The following CNTNAP2 variants were observed in gnomAD, a reference collection of about 807,000 sequenced individuals.
CNTNAP2 encodes contactin associated protein 2.
In CNTNAP2, 98 loss-of-function variants were observed where a neutral mutation model predicts 155.2. The observed-to-expected ratio is 0.63, with a 90% CI of 0.54 to 0.75. CNTNAP2 has a LOEUF of 0.75. CNTNAP2 is among the 30% of genes least tolerant of loss of function. The pLI is 0.00. For synonymous variants in CNTNAP2, 651 were observed against 631.2 expected (o/e 1.03, Z -0.47); for missense variants, 1,727 against 1,688.1 (o/e 1.02, Z -0.40).
chr7:147,350,581 C>T (rs529222928), intron 9 of CNTNAP2, among the ~76,000 whole-genome samples: 2 of 151,814 alleles, frequency 1.3e-5, no homozygotes, highest in African/African-American at 2.4e-5. Context: ...TGTGTGTGCA[C>T]GTGTGACTTA....
chr7:147,003,548 T>C (rs1336348023), intron 3 of CNTNAP2, among the ~76,000 whole-genome samples: 1 of 151,844 alleles, frequency 6.6e-6, no homozygotes, highest in East Asian at 1.9e-4. Context: ...AGAGTTAAAA[T>C]CTCAACTAAA....
intron 1 of CNTNAP2, among the ~76,000 whole-genome samples, chr7:146,731,573 A>T (rs34782150): frequency 2.1e-3 from 321 of 152,266 alleles, no homozygotes; most frequent in Non-Finnish European, 3.6e-3. Context: ...AATCTAAAAA[A>T]TGATCTGTAG....
chr7:146,936,730 C>G (rs1043964203), intron 3 of CNTNAP2, among the ~76,000 whole-genome samples: 1 of 152,174 alleles, frequency 6.6e-6, no homozygotes, highest in African/African-American at 2.4e-5. Flanking sequence ...CAGTCATAGA[C>G]TGCTGAGTGT....
intron 13 of CNTNAP2, among the ~76,000 whole-genome samples, chr7:147,867,485 A>C (rs529006601): frequency 3.9e-5 from 6 of 152,204 alleles, no homozygotes; most frequent in African/African-American, 1.2e-4. Context: ...CTGAATTTGA[A>C]TGTTGACCTG....
At chr7:146,308,722 C>A (rs1174661027) in intron 1 of CNTNAP2, among the ~76,000 whole-genome samples, 1 of 151,986 alleles carries the variant, frequency 6.6e-6, no homozygotes, top group Non-Finnish European at 1.5e-5. Context: ...CAAACTATTG[C>A]AAGGACAGAA....
chr7:146,576,100 T>A (rs1365542382), intron 1 of CNTNAP2, among the ~76,000 whole-genome samples: 2 of 152,206 alleles, frequency 1.3e-5, no homozygotes, highest in Non-Finnish European at 2.9e-5. Context: ...AACTGTATAC[T>A]GTCACTGAAT....
At chr7:146,873,940 C>T (rs1448868490) in intron 3 of CNTNAP2, among the ~76,000 whole-genome samples, 1 of 151,988 alleles carries the variant, frequency 6.6e-6, no homozygotes, top group African/African-American at 2.4e-5. Context: ...GAAAATATAG[C>T]TTATATTATA....
At chr7:147,212,262 A>G (rs1191890900) in intron 8 of CNTNAP2, among the ~76,000 whole-genome samples, 4 of 152,126 alleles carry the variant, frequency 2.6e-5, no homozygotes, top group Admixed American at 6.6e-5. Context: ...AAAAGAAAAC[A>G]TATCATTTTA....
intron 11 of CNTNAP2, among the ~76,000 whole-genome samples, chr7:147,555,266 T>C (rs1799930460): frequency 6.6e-6 from 1 of 152,206 alleles, no homozygotes; most frequent in Non-Finnish European, 1.5e-5. Context: ...CATCCTACAC[T>C]GAACAATACC....
At chr7:147,768,056 T>C (rs1397096665) in intron 13 of CNTNAP2, among the ~76,000 whole-genome samples, 1 of 152,114 alleles carries the variant, frequency 6.6e-6, no homozygotes, top group African/African-American at 2.4e-5. Context: ...CTTTCACTCT[T>C]GACAGTCTTC....
At chr7:147,592,675 C>T (rs555219415) in intron 12 of CNTNAP2, among the ~76,000 whole-genome samples, 1 of 152,172 alleles carries the variant, frequency 6.6e-6, no homozygotes, top group East Asian at 1.9e-4. Context: ...ATGATATCTG[C>T]AACAAATTAC....
At chr7:148,016,773 G>A (rs192176055) in intron 15 of CNTNAP2, among the ~76,000 whole-genome samples, 1 of 152,296 alleles carries the variant, frequency 6.6e-6, no homozygotes, top group African/African-American at 2.4e-5. Context: ...CCTAATCACA[G>A]AGGTTTTTTC....
chr7:146,438,129 A>C (rs1472595712), intron 1 of CNTNAP2, among the ~76,000 whole-genome samples: 1 of 151,466 alleles, frequency 6.6e-6, no homozygotes, highest in Non-Finnish European at 1.5e-5. Flanking sequence ...TATGCTATAC[A>C]TTATACATAT....
At chr7:147,617,520 A>T (rs1481118904) in intron 12 of CNTNAP2, among the ~76,000 whole-genome samples, 1 of 152,146 alleles carries the variant, frequency 6.6e-6, no homozygotes, top group South Asian at 2.1e-4. Flanking sequence ...ATAATATTTT[A>T]AAAAGTCTAA....
chr7:148,109,352 T>C (rs1045173578), intron 15 of CNTNAP2, among the ~76,000 whole-genome samples: 5 of 48,162 alleles, frequency 1.0e-4, no homozygotes, highest in African/African-American at 6.6e-4. Flanking sequence ...AGAAGAGAGG[T>C]GTTTTGTTTT....
At chr7:147,388,244 A>C (rs1481408169) in intron 9 of CNTNAP2, among the ~76,000 whole-genome samples, 1 of 152,174 alleles carries the variant, frequency 6.6e-6, no homozygotes, top group Non-Finnish European at 1.5e-5. Context: ...ACATGACCCC[A>C]TCATTCTTTG....
intron 16 of CNTNAP2, among the ~76,000 whole-genome samples, chr7:148,142,341 G>A (rs561257087): frequency 1.6e-4 from 25 of 151,934 alleles, no homozygotes; most frequent in African/African-American, 4.8e-4. Context: ...TGACCCTTTC[G>A]TGTTAAATAA....
At chr7:147,463,094 C>T (rs536039135) in intron 10 of CNTNAP2, among the ~76,000 whole-genome samples, 106 of 152,212 alleles carry the variant, frequency 7.0e-4, no homozygotes, top group South Asian at 4.6e-3. Context: ...TACTTGTTGA[C>T]ATTTATGAGA....
rs1056364558 is a variant in CNTNAP2, at chr7:147,886,184, C to T, written c.2099-17381C>T. On this transcript the variant is annotated intron_variant, in intron 13 of 23. Coordinates refer to ENST00000361727, the MANE Select transcript of CNTNAP2 (RefSeq NM_014141.6). ...TGGATGACTCACAGAATTAAAGATG[C>T]GGTTCTGGCTGGGCGCAGTGGCTCA... 1.1e-4 allele frequency among the ~76,000 whole-genome samples: 16 copies of T among 152,138 alleles called. No homozygotes were observed. The East Asian group carries it at 2.3e-3, about 22-fold the overall frequency.
Sources: allele counts gnomAD v4.1 joint callset (sites outside exome capture counted in the v4.1 genomes callset), GRCh38; gene constraint gnomAD v4.1.1; transcripts MANE v1.5; gene names NCBI Gene and HGNC (gene_info 2026-07-23, HGNC 2026-07-21).